LRP1B: variants seen among roughly 807,000 people sequenced by gnomAD.
LRP1B encodes low-density lipoprotein receptor-related protein 1B.
Under a neutral mutation model 556.6 loss-of-function variants are expected in LRP1B, and 217 were observed. The observed-to-expected ratio is 0.39, with a 90% CI of 0.35 to 0.44. The LOEUF (loss-of-function observed/expected upper bound fraction) is 0.44, where lower values mean the gene tolerates loss of function less well. LRP1B is among the 20% of genes least tolerant of loss of function. LRP1B has a pLI of 1.00. For synonymous variants in LRP1B, 2,047 were observed against 1,865.8 expected, an observed-to-expected ratio of 1.10 and a Z score of -2.50; for missense variants, 5,053 against 5,620.8, an observed-to-expected ratio of 0.90 and a Z score of 3.23.
intron 41 of LRP1B, among the ~76,000 whole-genome samples, chr2:140,678,000 A>T (rs939809738): frequency 6.6e-6 from 1 of 152,052 alleles, no homozygotes; most frequent in Admixed American, 6.6e-5. Flanking sequence ...TTTACAGATG[A>T]GGAAACTAGG....
chr2:141,241,941 TA>T (rs796383932), intron 5 of LRP1B, among the ~76,000 whole-genome samples: 111 of 144,546 alleles, frequency 7.7e-4, no homozygotes, highest in East Asian at 2.2e-3. Flanking sequence ...AAAAATAATG[TA>T]AAAAAAAAAA....
At chr2:141,690,784 C>T (rs1691500771) in intron 2 of LRP1B, among the ~76,000 whole-genome samples, 1 of 151,568 alleles carries the variant, frequency 6.6e-6, no homozygotes, top group African/African-American at 2.4e-5. Flanking sequence ...TAAATACACC[C>T]TTCCTGGCAG....
Position 140,776,233 on chromosome 2 carries a change from T to C in LRP1B, c.5365A>G (p.Lys1789Glu). 1 of 1,578,916 alleles carries C rather than the reference T, an allele frequency of 6.3e-7. No homozygotes were observed. The highest frequency in any genetic ancestry group is 2.3e-5 in the East Asian group (1 of 42,878). Reference protein sequence around the residue: ...KATALTIMDKKLWWADQNLAQ... With the variant: ...KATALTIMDKELWWADQNLAQ... ...AAGTTTTGGTCTGCCCACCACAGTT[T>C]CTTATCTAGAAAAAGGAAAGATATT... is the stretch of plus-strand genomic sequence containing the variant. Residue 1789 changes from lysine (K) to glutamate (E), a missense_variant, in exon 33 of 91, where the codon AAA becomes GAA. This residue lies in a region of LRP1B where 3,619 missense variants were observed against 3,931.9 expected (regional missense o/e 0.92). Transcript: ENST00000389484.
chr2:140,530,832 T>C (rs565966767), intron 47 of LRP1B, among the ~76,000 whole-genome samples: 34 of 152,230 alleles, frequency 2.2e-4, no homozygotes, highest in Non-Finnish European at 4.0e-4. Context: ...AGAAGCTTCA[T>C]TTGCAAAGGC....
chr2:141,194,528 T>A (rs1316083197), intron 6 of LRP1B, among the ~76,000 whole-genome samples: 1 of 152,110 alleles, frequency 6.6e-6, no homozygotes, highest in Non-Finnish European at 1.5e-5. Flanking sequence ...GATTTCCACA[T>A]TTCAGTTGAA....
chr2:141,127,871 C>T (rs928240358), intron 7 of LRP1B, among the ~76,000 whole-genome samples: 4 of 152,190 alleles, frequency 2.6e-5, no homozygotes, highest in Non-Finnish European at 4.4e-5. Flanking sequence ...CTCTCTCTAG[C>T]TCTCTGAGAT....
intron 18 of LRP1B, among the ~76,000 whole-genome samples, chr2:140,968,602 G>T (rs1696310065): frequency 2.0e-5 from 3 of 151,632 alleles, no homozygotes; most frequent in Admixed American, 1.3e-4. Context: ...TGCTTCTCTA[G>T]TTCTTTCAAT....
chr2:141,009,634 AAT>A (rs1697682593), intron 14 of LRP1B, among the ~76,000 whole-genome samples: 1 of 152,032 alleles, frequency 6.6e-6, no homozygotes. Context: ...GTGATTAATA[AAT>A]ATGTCATACA....
In LRP1B at chr2:140,743,993, T is replaced by TAAAAAAA. The variant is rs1297190080; in HGVS notation, c.5758+25219_5758+25220insTTTTTTT. ...AAAAAAAAAAAAAAAAAAAAAAAAG[T>TAAAAAAA]AAAAAGTAAAATCCATAGACATAGA... On this transcript the variant is annotated intron_variant, in intron 35 of 90. Transcript: ENST00000389484. 8.1e-3 allele frequency among the ~76,000 whole-genome samples: 58 copies of TAAAAAAA among 7,174 alleles called. 19 individuals carry two copies. Among genetic ancestry groups the TAAAAAAA allele is most frequent in the African/African-American group, 0.011 (35 of 3,180 alleles). The allele number at this position is 7,174 out of a possible 152,430, so 4.7% of individuals were successfully genotyped here.
chr2:140,736,980 G>C (rs1687967949), intron 35 of LRP1B, among the ~76,000 whole-genome samples: 1 of 152,112 alleles, frequency 6.6e-6, no homozygotes. Flanking sequence ...CTAGTTCATA[G>C]AGCATTGTTA....
chr2:140,724,605 T>C (rs1687523848), intron 35 of LRP1B, among the ~76,000 whole-genome samples: 1 of 152,202 alleles, frequency 6.6e-6, no homozygotes, highest in African/African-American at 2.4e-5. Context: ...CTACAGGATG[T>C]AGCTATTATA....
At chr2:140,264,929 C>T (rs1271671541) in intron 86 of LRP1B, among the ~76,000 whole-genome samples, 1 of 150,000 alleles carries the variant, frequency 6.7e-6, no homozygotes, top group African/African-American at 2.4e-5. Flanking sequence ...CCCACAGACA[C>T]CTAGGTGTGG....
chr2:142,051,463 GTTTT>G (rs1279750230), intron 1 of LRP1B, among the ~76,000 whole-genome samples: 1 of 97,876 alleles, frequency 1.0e-5, no homozygotes, highest in African/African-American at 3.2e-5. Context: ...TTAAAGGTGT[GTTTT>G]TTTGTTTTTT....
intron 32 of LRP1B, among the ~76,000 whole-genome samples, chr2:140,779,153 A>T (rs1341836169): frequency 6.6e-6 from 1 of 152,102 alleles, no homozygotes; most frequent in African/African-American, 2.4e-5. Flanking sequence ...ACCAGCAAAA[A>T]GAATAGAAAA....
At chr2:140,592,570 T>G (rs1682271071) in intron 43 of LRP1B, among the ~76,000 whole-genome samples, 1 of 152,150 alleles carries the variant, frequency 6.6e-6, no homozygotes, top group Admixed American at 6.6e-5. Flanking sequence ...GCATCAAAAC[T>G]TATTCTGTAA....
intron 3 of LRP1B, among the ~76,000 whole-genome samples, chr2:141,388,819 A>T (rs569320218): frequency 3.2e-4 from 48 of 152,326 alleles, no homozygotes; most frequent in African/African-American, 1.0e-3. Context: ...TTTGCCGGGC[A>T]CATGATTGAC....
At chr2:140,246,526 C>CAA (rs5834725) in intron 87 of LRP1B, among the ~76,000 whole-genome samples, 101 of 150,030 alleles carry the variant, frequency 6.7e-4, no homozygotes, top group African/African-American at 1.9e-3. Flanking sequence ...TATGGCTGCA[C>CAA]AAAAAAAAAT....
intron 32 of LRP1B, among the ~76,000 whole-genome samples, chr2:140,792,820 T>C (rs1451432481): frequency 2.6e-5 from 4 of 152,086 alleles, no homozygotes; most frequent in Non-Finnish European, 5.9e-5. Context: ...CAAAAGAGGA[T>C]TGATGTAAAG....
chr2:140,243,686 C>T lies in LRP1B; in HGVS notation c.13324+3400G>A, dbSNP rs372507268. Among the ~76,000 whole-genome samples, 39 of 151,260 alleles carry T rather than the reference C, an allele frequency of 2.6e-4. No individual in the cohort carries two copies. The East Asian group carries it at 6.5e-3, about 25-fold the overall frequency. On this transcript the variant is annotated intron_variant, in intron 87 of 90. Coordinates refer to ENST00000389484, the MANE Select transcript of LRP1B (RefSeq NM_018557.3). ...CTTCCAGTGGTCTTCAAGAGGCTGC[C>T]TATCACCTTGGTCCTGTATCTCTAA...
Sources: allele counts gnomAD v4.1 joint callset (sites outside exome capture counted in the v4.1 genomes callset), GRCh38; gene constraint gnomAD v4.1.1; regional missense constraint gnomAD v4.1.1; transcripts MANE v1.5; gene names NCBI Gene and HGNC (gene_info 2026-07-23, HGNC 2026-07-21).